Variants in LILRA2 observed in about 807,000 individuals in gnomAD.
LILRA2 encodes leukocyte immunoglobulin-like receptor subfamily A member 2.
Under a neutral mutation model 47.9 loss-of-function variants are expected in LILRA2, and 45 were observed. The observed-to-expected ratio is 0.94, with a 90% CI of 0.74 to 1.20. The LOEUF (loss-of-function observed/expected upper bound fraction) is 1.20. LILRA2 is among the 50% of genes most tolerant of loss of function. The pLI, the probability that LILRA2 is intolerant of heterozygous loss-of-function variation, is 0.00. For missense variants in LILRA2, 651 were observed against 598.2 expected, an observed-to-expected ratio of 1.09 and a Z score of -0.92; for synonymous variants, 279 against 249.2, an observed-to-expected ratio of 1.12 and a Z score of -1.13.
At position 54,576,881 on chromosome 19, in the gene LILRA2, C is replaced by G. The variant is rs563031195; in HGVS notation, c.1255+772C>G. The stretch of plus-strand genomic sequence containing the variant: ...TGGAACTTCTGAAAGAGCCCATTCC[C>G]CTTGCACCCTGGACTCCTCATCTGA... On this transcript the variant is annotated intron_variant, in intron 6 of 7. Coordinates refer to ENST00000391738, the MANE Select transcript of LILRA2 (RefSeq NM_001130917.3). Among the ~76,000 whole-genome samples the G allele has an allele frequency of 1.8e-3, 266 of 151,790 alleles. No homozygotes were observed. The South Asian group carries it at 0.037, about 21-fold the overall frequency.
chr19:54,575,901 G>T lies in LILRA2; in HGVS notation c.1047G>T (p.Gln349His), dbSNP rs1264279618. 6.2e-7 allele frequency: 1 copy of T among 1,613,868 alleles called. No individual in the cohort carries two copies. Among genetic ancestry groups the T allele is most frequent in the Non-Finnish European group, 8.5e-7 (1 of 1,179,952 alleles). Residue 349 changes from glutamine (Q) to histidine (H), a missense_variant, in exon 6 of 8, where the codon CAG becomes CAT. Gln to His is a conservative substitution (Grantham distance 24). Coordinates refer to ENST00000391738, the MANE Select transcript of LILRA2 (RefSeq NM_001130917.3). The stretch of plus-strand genomic sequence containing the variant: ...CCCTGCTGTGTCAGTCACGGGGGCA[G>T]TTCCACACTTTCCTTCTGACCAAGG... ...NVTLLCQSRG[Q>H]FHTFLLTKEG...
chr19:54,577,428 G>C, intron 6 of LILRA2: 2 of 1,249,922 alleles, frequency 1.6e-6, no homozygotes, highest in Non-Finnish European at 1.0e-6. Context: ...AGGACAGATG[G>C]ACAGTGTATT....
Position 54,587,015 on chromosome 19 carries a change from G to T in LILRA2, c.1261G>T (p.Ala421Ser), listed in dbSNP as rs2062830623. The change falls in exon 7 of 8, where the codon GCT (alanine) becomes TCT (serine). Residue 421 changes from alanine to serine, a missense_variant. Ala to Ser is a moderately conservative substitution (Grantham distance 99). Transcript: ENST00000391738. ...DPLELVVSEA[A>S]ETLSPSQNKT... ...TCCACTGTTTTGATTCTCAGAAGCA[G>T]CTGAGACCCTCAGCCCATCACAAAA... 1.2e-6 allele frequency: 2 copies of T among 1,612,074 alleles called. No individual in the cohort carries two copies. The highest frequency in any genetic ancestry group is 2.2e-5 in the South Asian group (2 of 90,860).
intron 6 of LILRA2, among the ~76,000 whole-genome samples, chr19:54,582,176 C>T (rs1246682703): frequency 6.6e-6 from 1 of 152,130 alleles, no homozygotes; most frequent in Non-Finnish European, 1.5e-5. Flanking sequence ...ATTTGGTTTG[C>T]CAGTATTTTA....
Position 54,574,982 on chromosome 19 carries a change from T to A in LILRA2, c.604T>A (p.Ser202Thr), listed in dbSNP as rs781217385. 1 of 1,587,826 alleles carries A rather than the reference T, an allele frequency of 6.3e-7. No individual in the cohort carries two copies. The highest frequency in any genetic ancestry group is 8.6e-7 in the Non-Finnish European group (1 of 1,167,426). The change falls in exon 4 of 8, where the codon TCT (serine) becomes ACT (threonine). Residue 202 changes from serine (S) to threonine (T), a missense_variant. Coordinates refer to ENST00000391738, the MANE Select transcript of LILRA2 (RefSeq NM_001130917.3). ...SYRCYAYDSN[S>T]PYVWSLPSDL... ...CAGGTGCTATGCTTATGACTCGAAC[T>A]CTCCCTATGTGTGGTCTCTACCCAG... is the stretch of plus-strand genomic sequence containing the variant.
intron 6 of LILRA2, among the ~76,000 whole-genome samples, chr19:54,579,494 C>T (rs963677506): frequency 6.6e-6 from 1 of 152,180 alleles, no homozygotes; most frequent in African/African-American, 2.4e-5. Context: ...CAGTACCATG[C>T]TGCTTTGGTT....
At position 54,587,583 on chromosome 19, in the gene LILRA2, CCCCTT is replaced by C; in HGVS notation, c.*238_*242del. 1 of 719,740 alleles carries C rather than the reference CCCCTT, an allele frequency of 1.4e-6. No homozygotes were observed. The highest frequency in any genetic ancestry group is 2.0e-5 in the South Asian group (1 of 48,834). 44.6% of individuals were successfully genotyped at this position (719,740 alleles called of 1,614,324 possible). ...GAATGTTGACTTCCCTTGACTGGAT[CCCCTT>C]TTTTTCCCATCCCCAGACATGAGGC... On this transcript the variant is annotated 3_prime_UTR_variant, in exon 8 of 8. Coordinates refer to ENST00000391738, the MANE Select transcript of LILRA2 (RefSeq NM_001130917.3).
At chr19:54,584,019 C>T (rs1400471880) in intron 6 of LILRA2, among the ~76,000 whole-genome samples, 1 of 152,122 alleles carries the variant, frequency 6.6e-6, no homozygotes, top group African/African-American at 2.4e-5. Context: ...TTTATTTCTC[C>T]TTCACTGATG....
At position 54,574,745 on chromosome 19, in the gene LILRA2, C is replaced by A; in HGVS notation, c.367C>A (p.Pro123Thr). Residue 123 changes from proline (P) to threonine (T), a missense_variant, in exon 4 of 8, where the codon CCC becomes ACC. Physicochemically the swap from Pro to Thr is conservative, Grantham distance 38. Transcript: ENST00000391738. ...TTCTCTCCTAGGAGCCTACAGCAAA[C>A]CCACCCTCTCAGCTCTGCCCAGCCC... ...ELVVTGAYSK[P>T]TLSALPSPVV... 6.2e-7 allele frequency: 1 copy of A among 1,614,164 alleles called. No homozygotes were observed. The highest frequency in any genetic ancestry group is 8.5e-7 in the Non-Finnish European group (1 of 1,179,972).
chr19:54,581,553 T>C (rs567787131), intron 6 of LILRA2, among the ~76,000 whole-genome samples: 5,363 of 148,640 alleles, frequency 0.036, 158 homozygotes, highest in Non-Finnish European at 0.053. Context: ...TTCTGTTCCA[T>C]TGATCTATAT....
At chr19:54,573,058 C>T, upstream of LILRA2, 2 of 221,714 alleles carry the variant, frequency 9.0e-6, no homozygotes, top group Non-Finnish European at 1.9e-5. Context: ...ATCATAGCTC[C>T]CTGCAGCCTC....
intron 6 of LILRA2, among the ~76,000 whole-genome samples, chr19:54,584,919 C>T (rs1359927565): frequency 6.6e-6 from 1 of 152,120 alleles, no homozygotes; most frequent in Non-Finnish European, 1.5e-5. Context: ...TTTTATCTAC[C>T]TTTGGTCTTT....
upstream of LILRA2, chr19:54,573,397 C>A: frequency 1.1e-6 from 1 of 922,296 alleles, no homozygotes. Flanking sequence ...CCTGGGTTTT[C>A]CCTGAAGCAT....
At chr19:54,581,782 C>T (rs994418164) in intron 6 of LILRA2, among the ~76,000 whole-genome samples, 3 of 149,408 alleles carry the variant, frequency 2.0e-5, no homozygotes, top group African/African-American at 7.7e-5. Flanking sequence ...ATCAAGCTAC[C>T]AATGACTTTC....
In LILRA2 at chr19:54,574,927, C is replaced by A; in HGVS notation, c.549C>A (p.Gly183=). ...GGTCCTGGGCCATCTTCTCCGTGGG[C>A]CCCGTGAGCCCGAGTCGCAGGTGGT... ...RGWSWAIFSV[G]PVSPSRRWSY... The change falls in exon 4 of 8, where the codon GGC becomes GGA. Residue 183 remains glycine, a synonymous_variant. Coordinates refer to ENST00000391738, the MANE Select transcript of LILRA2 (RefSeq NM_001130917.3). 1 of 1,614,266 alleles carries A rather than the reference C, an allele frequency of 6.2e-7. No individual in the cohort carries two copies. Among genetic ancestry groups the A allele is most frequent in the Non-Finnish European group, 8.5e-7 (1 of 1,180,034 alleles).
chr19:54,578,021 T>C (rs1271098313), intron 6 of LILRA2, among the ~76,000 whole-genome samples: 1 of 151,960 alleles, frequency 6.6e-6, no homozygotes, highest in Admixed American at 6.6e-5. Context: ...ATTTAAGACA[T>C]GTTTTGAAAT....
chr19:54,573,522 C>T, upstream of LILRA2: 1 of 894,200 alleles, frequency 1.1e-6, no homozygotes, highest in South Asian at 1.4e-5. Context: ...AAGAGGAAGC[C>T]TCTGCTCACC....
intron 6 of LILRA2, among the ~76,000 whole-genome samples, chr19:54,586,593 T>G (rs2062815337): frequency 6.6e-6 from 1 of 152,148 alleles, no homozygotes; most frequent in Admixed American, 6.5e-5. Flanking sequence ...GGTCCTCAGC[T>G]GGCGGATCCG....
intron 5 of LILRA2, 58 bp downstream of exon 5, chr19:54,575,610 G>A: frequency 1.9e-6 from 3 of 1,594,190 alleles, no homozygotes; most frequent in Non-Finnish European, 2.6e-6. Flanking sequence ...CCTGCCAGGG[G>A]AGCCCAGGTG....
Sources: allele counts gnomAD v4.1 joint callset (sites outside exome capture counted in the v4.1 genomes callset), GRCh38; gene constraint gnomAD v4.1.1; transcripts MANE v1.5; gene names NCBI Gene and HGNC (gene_info 2026-07-23, HGNC 2026-07-21).